Variants in ARMC8 observed in about 807,000 individuals in gnomAD.
ARMC8 encodes armadillo repeat containing 8.
In ARMC8, 20 loss-of-function variants were observed where a neutral mutation model predicts 99.3. The ratio of observed to expected loss-of-function variants is 0.20; its 90% CI spans 0.14 to 0.29. ARMC8 has a LOEUF of 0.29. Among genes scored for constraint, ARMC8 ranks in the 10% least tolerant of loss-of-function variants. The probability of loss-of-function intolerance (pLI) is 1.00; values close to 1 mark genes in which losing one functional copy is unlikely to be tolerated. For missense variants in ARMC8, 569 were observed against 809.5 expected, an observed-to-expected ratio of 0.70 and a Z score of 3.60; for synonymous variants, 263 against 278.3, an observed-to-expected ratio of 0.95 and a Z score of 0.55.
At chr3:138,246,444 T>A (rs2046886134) in intron 12 of ARMC8, 1 of 985,222 alleles carries the variant, frequency 1.0e-6, no homozygotes, top group Non-Finnish European at 1.2e-6. Flanking sequence ...AATGTTCAGT[T>A]TGGGTACGTT....
rs937918994 is a variant in ARMC8 at position 138,230,476 on chromosome 3, C to A, written c.528+1466C>A. 6.6e-5 allele frequency among the ~76,000 whole-genome samples: 10 copies of A among 152,044 alleles called. No individual in the cohort carries two copies. The East Asian group carries it at 1.5e-3, about 24-fold the overall frequency. On this transcript the variant is annotated intron_variant, in intron 6 of 21. Transcript: ENST00000469044. ...GACCAGTCTGGGCAACATGGCGAAA[C>A]CCCATCTCTACAAAAAATACAAAAG...
intron 12 of ARMC8, among the ~76,000 whole-genome samples, chr3:138,259,948 C>T (rs2047606814): frequency 6.6e-6 from 1 of 152,130 alleles, no homozygotes; most frequent in South Asian, 2.1e-4. Context: ...CCCCATGGTC[C>T]CTGTCATTCC....
intron 6 of ARMC8, among the ~76,000 whole-genome samples, chr3:138,229,394 C>T (rs2045922003): frequency 6.8e-6 from 1 of 146,204 alleles, no homozygotes; most frequent in South Asian, 2.2e-4. Context: ...TTTGTCCAGT[C>T]CTCTATTGTG....
chr3:138,221,810 A>G (rs1197000890), intron 2 of ARMC8, 116 bp from the exon 3 acceptor site: 2 of 760,704 alleles, frequency 2.6e-6, no homozygotes, highest in African/African-American at 3.5e-5. Flanking sequence ...TAGGTGAAAA[A>G]AGGTTAGTGC....
intron 1 of ARMC8, among the ~76,000 whole-genome samples, chr3:138,200,522 T>G (rs2043993993): frequency 6.6e-6 from 1 of 152,194 alleles, no homozygotes; most frequent in South Asian, 2.1e-4. Flanking sequence ...GAGTGGAAAG[T>G]TGGGGGATGT....
chr3:138,228,082 T>G (rs1420761339), intron 5 of ARMC8, among the ~76,000 whole-genome samples: 1 of 152,144 alleles, frequency 6.6e-6, no homozygotes, highest in Admixed American at 6.6e-5. Context: ...CCGATTCAAG[T>G]GATTCTTGTG....
In ARMC8 at chr3:138,222,013, C is replaced by T; in HGVS notation, c.194+16C>T. The T allele has an allele frequency of 6.2e-7, 1 of 1,604,910 alleles. No individual in the cohort carries two copies. The highest frequency in any genetic ancestry group is 8.5e-7 in the Non-Finnish European group (1 of 1,172,336). ...CTGTTCCAAGGTATGTTTGCTGTCT[C>T]ACCCCTTTCTTGCCATTCATACTAG... On this transcript the variant is annotated intron_variant, in intron 3 of 21. Transcript: ENST00000469044.
intron 1 of ARMC8, among the ~76,000 whole-genome samples, chr3:138,190,573 G>A (rs1257237327): frequency 6.6e-6 from 1 of 152,128 alleles, no homozygotes; most frequent in African/African-American, 2.4e-5. Flanking sequence ...ACAGGTGTGA[G>A]CCACTGCACC....
rs925096625 is a variant in ARMC8 at position 138,189,295 on chromosome 3, T to TA, written c.45+1705dup. Among the ~76,000 whole-genome samples, 6 of 150,844 alleles carry TA rather than the reference T, an allele frequency of 4.0e-5. No homozygotes were observed. The South Asian group carries it at 6.3e-4, about 16-fold the overall frequency. On this transcript the variant is annotated intron_variant, in intron 1 of 21. Transcript: ENST00000469044. ...TTAGGGGCTTTTTTTTTTCTTTAAT[T>TA]AAAAAAAAAGGATTTCCGTAGTCCC... is the stretch of plus-strand genomic sequence containing the variant.
chr3:138,294,547 A>G (rs891881083), intron 21 of ARMC8, among the ~76,000 whole-genome samples: 1 of 152,238 alleles, frequency 6.6e-6, no homozygotes, highest in Non-Finnish European at 1.5e-5. Context: ...AATTGCAAGA[A>G]TACACCTTAG....
rs763452866 is a variant in ARMC8, at chr3:138,270,082, A to G, written c.1429A>G (p.Thr477Ala). Residue 477 changes from threonine to alanine, a missense_variant, in exon 16 of 22, where the codon ACT becomes GCT. Thr to Ala is a moderately conservative substitution (Grantham distance 58). This residue lies in a region of ARMC8 where 227 missense variants were observed against 417.9 expected (regional missense o/e 0.54). Coordinates refer to ENST00000469044, the MANE Select transcript of ARMC8 (RefSeq NM_001363941.2). ...AGCCGTAGAGCTACTTTGTGGATTA[A>G]CTCAGAGTGAAAATCCTGCTTTACG... is the stretch of plus-strand genomic sequence containing the variant. Reference protein sequence around the residue: ...SGAVELLCGLTQSENPALRVN... With the variant: ...SGAVELLCGLAQSENPALRVN... The G allele has an allele frequency of 6.2e-7, 1 of 1,613,640 alleles. No individual in the cohort carries two copies. Among genetic ancestry groups the G allele is most frequent in the Middle Eastern group, 1.7e-4 (1 of 6,018 alleles).
intron 1 of ARMC8, among the ~76,000 whole-genome samples, chr3:138,190,874 C>T (rs1017146416): frequency 6.6e-6 from 1 of 152,140 alleles, no homozygotes; most frequent in Non-Finnish European, 1.5e-5. Flanking sequence ...AATAATCACA[C>T]AGTTTGTGAA....
At chr3:138,216,464 A>G (rs1223337281) in intron 2 of ARMC8, among the ~76,000 whole-genome samples, 1 of 152,224 alleles carries the variant, frequency 6.6e-6, no homozygotes, top group Non-Finnish European at 1.5e-5. Context: ...ATTGTCATAT[A>G]ACTTTAGTTG....
intron 6 of ARMC8, among the ~76,000 whole-genome samples, chr3:138,233,144 TG>T (rs1231221313): frequency 2.0e-5 from 3 of 152,204 alleles, no homozygotes; most frequent in Non-Finnish European, 4.4e-5. Flanking sequence ...GACAAATGCA[TG>T]TGAAGTGTTT....
intron 12 of ARMC8, chr3:138,262,485 C>G: frequency 6.3e-7 from 1 of 1,576,656 alleles, no homozygotes; most frequent in Non-Finnish European, 8.6e-7. Context: ...GCTGAAACAT[C>G]CTGAGGTTTT....
chr3:138,234,848 ATGG>A (rs2046249039), intron 6 of ARMC8, among the ~76,000 whole-genome samples, 183 bp from the exon 7 acceptor site: 1 of 152,190 alleles, frequency 6.6e-6, no homozygotes, highest in African/African-American at 2.4e-5. Flanking sequence ...GAGTTAAGAT[ATGG>A]TAGCCCTTTG....
intron 15 of ARMC8, among the ~76,000 whole-genome samples, chr3:138,267,842 G>C (rs2048417380): frequency 6.6e-6 from 1 of 152,104 alleles, no homozygotes; most frequent in Non-Finnish European, 1.5e-5. Flanking sequence ...GCCCAATTAT[G>C]AACTCAGGTT....
At chr3:138,254,595 G>A (rs528363329) in intron 12 of ARMC8, among the ~76,000 whole-genome samples, 1 of 152,284 alleles carries the variant, frequency 6.6e-6, no homozygotes, top group Admixed American at 6.5e-5. Context: ...GGCTGTTAAG[G>A]CTGTATTCTG....
chr3:138,291,308 T>A (rs2050924760), intron 21 of ARMC8, among the ~76,000 whole-genome samples: 1 of 152,190 alleles, frequency 6.6e-6, no homozygotes, highest in Non-Finnish European at 1.5e-5. Context: ...TCTCATCTTC[T>A]CTGCACCCAC....
Sources: gnomAD v4.1 joint callset for allele counts (sites outside exome capture counted in the v4.1 genomes callset) on GRCh38, gnomAD v4.1.1 for gene constraint, gnomAD v4.1.1 regional missense constraint, MANE v1.5 for transcripts, NCBI Gene and HGNC (gene_info 2026-07-23, HGNC 2026-07-21) for gene names.